Variants in ZNF397 observed in about 807,000 individuals in gnomAD.
The protein encoded by ZNF397 is zinc finger protein 397.
In ZNF397, 38 loss-of-function variants were observed where a neutral mutation model predicts 50.6. The observed-to-expected ratio is 0.75, with a 90% CI of 0.58 to 0.98. ZNF397 has a LOEUF of 0.98. Ranked by LOEUF, ZNF397 falls within the 50% of genes least tolerant of loss-of-function variation. ZNF397 has a pLI of 0.00. For missense variants in ZNF397, 624 were observed against 624.1 expected, an observed-to-expected ratio of 1.00 and a Z score of 0.00; for synonymous variants, 228 against 215.2, an observed-to-expected ratio of 1.06 and a Z score of -0.52.
At position 35,249,666 on chromosome 18, in the gene ZNF397, A is replaced by C. The variant is rs2043542000; in HGVS notation, c.*3356A>C. The C allele has an allele frequency of 1.3e-5, 2 of 149,500 alleles. No individual in the cohort carries two copies. Among genetic ancestry groups the C allele is most frequent in the African/African-American group, 2.4e-5 (1 of 40,836 alleles). The allele number at this position is 149,500 out of a possible 1,614,324, so 9.3% of individuals were successfully genotyped here. On this transcript the variant is annotated 3_prime_UTR_variant, in exon 4 of 4. Transcript: ENST00000330501. Reference sequence around the variant, plus strand: ...AGACTGTGTCTCAAAAAAAAAAAAAAAAAAAAAAAAAACACTGATGTCAAT... The same window carrying C: ...AGACTGTGTCTCAAAAAAAAAAAAACAAAAAAAAAAAACACTGATGTCAAT...
In ZNF397 at chr18:35,246,042, T is replaced by C; in HGVS notation, c.1337T>C (p.Ile446Thr). Residue 446 changes from isoleucine to threonine, a missense_variant, in exon 4 of 4, where the codon ATA becomes ACA. Coordinates refer to ENST00000330501, the MANE Select transcript of ZNF397 (RefSeq NM_001135178.3). ...QSSELITHQR[I>T]HSGEKPYECS... ...TCAGAGCTGATTACTCATCAGAGAA[T>C]ACATAGTGGAGAGAAACCCTATGAA... 2 of 1,565,180 alleles carry C rather than the reference T, an allele frequency of 1.3e-6. No individual in the cohort carries two copies. Among genetic ancestry groups the C allele is most frequent in the African/African-American group, 1.4e-5 (1 of 73,468 alleles).
rs1388906397 is a variant in ZNF397, at chr18:35,249,668, A to C, written c.*3358A>C. 1.4e-4 allele frequency: 21 copies of C among 149,638 alleles called. No homozygotes were observed. The East Asian group carries it at 3.1e-3, about 22-fold the overall frequency. 9.3% of individuals were successfully genotyped at this position (149,638 alleles called of 1,614,324 possible). Reference sequence around the variant, plus strand: ...ACTGTGTCTCAAAAAAAAAAAAAAAAAAAAAAAAAACACTGATGTCAATTA... The same window carrying C: ...ACTGTGTCTCAAAAAAAAAAAAAAACAAAAAAAAAACACTGATGTCAATTA... On this transcript the variant is annotated 3_prime_UTR_variant, in exon 4 of 4. Coordinates refer to ENST00000330501, the MANE Select transcript of ZNF397 (RefSeq NM_001135178.3).
chr18:35,251,594 T>A (rs974729148), downstream of ZNF397: 3 of 152,210 alleles, frequency 2.0e-5, no homozygotes, highest in East Asian at 5.8e-4. Flanking sequence ...GGGAGGTGAT[T>A]AGATCATGGG....
rs138222337 is a variant in ZNF397 at position 35,243,405 on chromosome 18, T to C, written c.556+112T>C. 1.0e-2 allele frequency: 15,166 copies of C among 1,523,412 alleles called. 83 individuals are homozygous for C. Among genetic ancestry groups the C allele is most frequent in the Middle Eastern group, 0.025 (146 of 5,914 alleles). 94.4% of individuals were successfully genotyped at this position (1,523,412 alleles called of 1,614,324 possible). The stretch of plus-strand genomic sequence containing the variant: ...CCACATGTGAGCATCACCTTTATTA[T>C]TCTAAACCAGAGGTGCTCGCTTTAG... On this transcript the variant is annotated intron_variant, in intron 3 of 3. Coordinates refer to ENST00000330501, the MANE Select transcript of ZNF397 (RefSeq NM_001135178.3).
chr18:35,253,755 A>C (rs200117955), downstream of ZNF397: 1 of 1,614,162 alleles, frequency 6.2e-7, no homozygotes, highest in African/African-American at 1.3e-5. Flanking sequence ...CTCCGGCTGA[A>C]GGCCTTCCCA....
In ZNF397 at chr18:35,245,941, C is replaced by A; in HGVS notation, c.1236C>A (p.Leu412=). Residue 412 remains leucine, a synonymous_variant, in exon 4 of 4, where the codon CTC becomes CTA. Coordinates refer to ENST00000330501, the MANE Select transcript of ZNF397 (RefSeq NM_001135178.3). The part of the protein sequence containing the change: ...CGKTFSQSSK[L]IRHQRIHTGE... ...AAACCTTTAGCCAGAGCTCAAAACT[C>A]ATTAGACATCAGCGAATTCACACAG... 6.3e-7 allele frequency: 1 copy of A among 1,579,174 alleles called. No individual in the cohort carries two copies. The highest frequency in any genetic ancestry group is 2.3e-5 in the East Asian group (1 of 42,918).
At position 35,248,432 on chromosome 18, in the gene ZNF397, T is replaced by C. The variant is rs1432243034; in HGVS notation, c.*2122T>C. The stretch of plus-strand genomic sequence containing the variant: ...GGTAAGAGCTACTCAACTCTTGTTT[T>C]TCTCCTTTTCCATAGATAAAGACCT... On this transcript the variant is annotated 3_prime_UTR_variant, in exon 4 of 4. Transcript: ENST00000330501. 6.6e-6 allele frequency: 1 copy of C among 152,196 alleles called. No individual in the cohort carries two copies. Among genetic ancestry groups the C allele is most frequent in the Non-Finnish European group, 1.5e-5 (1 of 68,034 alleles). 9.4% of individuals were successfully genotyped at this position (152,196 alleles called of 1,614,324 possible). A position where few individuals can be genotyped will look rare whatever the true frequency, so the allele number is the denominator to read the frequency against.
intron 2 of ZNF397, 116 bp from the exon 3 acceptor site, chr18:35,243,036 C>T: frequency 6.6e-7 from 1 of 1,525,068 alleles, no homozygotes; most frequent in Non-Finnish European, 8.9e-7. Flanking sequence ...CTTGAATGGT[C>T]TTTTTCCCCT....
chr18:35,250,876 A>C (rs1445984795), downstream of ZNF397, among the ~76,000 whole-genome samples: 1 of 152,128 alleles, frequency 6.6e-6, no homozygotes, highest in Non-Finnish European at 1.5e-5. Context: ...ATGCCCCCTC[A>C]CTTTGGTTAA....
chr18:35,253,411 T>C, downstream of ZNF397: 1 of 1,510,398 alleles, frequency 6.6e-7, no homozygotes, highest in Non-Finnish European at 8.9e-7. Flanking sequence ...TACAGTGAAC[T>C]CCTTGCATTT....
intron 5 of ZNF397, among the ~76,000 whole-genome samples, chr18:35,256,775 GTTGT>G (rs200306741): frequency 0.034 from 5,125 of 151,872 alleles, 181 homozygotes; most frequent in African/African-American, 0.094. Flanking sequence ...TGTTGTTGTT[GTTGT>G]TTGTTTGTTT....
In ZNF397 at chr18:35,247,135, C is replaced by G. The variant is rs1390810304; in HGVS notation, c.*825C>G. ...CAAAGTGTGGAGCATTCCTTGAGTT[C>G]CTGTTGTAGTGAGGTCTTGTCTGTC... On this transcript the variant is annotated 3_prime_UTR_variant, in exon 4 of 4. Transcript: ENST00000330501. 3.0e-6 allele frequency: 3 copies of G among 985,312 alleles called. No individual in the cohort carries two copies. The highest frequency in any genetic ancestry group is 3.6e-6 in the Non-Finnish European group (3 of 829,974). 61.0% of individuals were successfully genotyped at this position (985,312 alleles called of 1,614,324 possible). A position where few individuals can be genotyped will look rare whatever the true frequency, so the allele number is the denominator to read the frequency against.
intron 1 of ZNF397, among the ~76,000 whole-genome samples, chr18:35,242,041 C>T (rs1324177874): frequency 6.6e-6 from 1 of 152,148 alleles, no homozygotes; most frequent in Non-Finnish European, 1.5e-5. Context: ...GAGAGTTCTA[C>T]AAGTTTTATT....
chr18:35,259,056 C>T (rs2043945743), downstream of ZNF397: 1 of 153,544 alleles, frequency 6.5e-6, no homozygotes, highest in South Asian at 2.1e-4. Flanking sequence ...ACTAGGGTTT[C>T]CACAACAAAA....
chr18:35,243,553 G>A (rs977495271), intron 3 of ZNF397: 6 of 619,536 alleles, frequency 9.7e-6, no homozygotes, highest in African/African-American at 1.8e-5. Context: ...TGGTACTGTG[G>A]TAGGCCCCAG....
chr18:35,258,188 A>C, exon 6 of ZNF397: 2 of 567,360 alleles, frequency 3.5e-6, no homozygotes, highest in Non-Finnish European at 6.3e-6. Flanking sequence ...TTCAAGACTG[A>C]AAAGAGACTA....
intron 5 of ZNF397, chr18:35,255,815 T>A (rs899439206): frequency 6.5e-6 from 1 of 154,368 alleles, no homozygotes; most frequent in Admixed American, 6.5e-5. Flanking sequence ...GGATTTTAGA[T>A]AGAAATTTAA....
chr18:35,247,173 G>T lies in ZNF397; in HGVS notation c.*863G>T. 1.0e-6 allele frequency: 1 copy of T among 985,452 alleles called. No individual in the cohort carries two copies. Among genetic ancestry groups the T allele is most frequent in the Non-Finnish European group, 1.2e-6 (1 of 829,944 alleles). The allele number at this position is 985,452 out of a possible 1,614,324, so 61.0% of individuals were successfully genotyped here. On this transcript the variant is annotated 3_prime_UTR_variant, in exon 4 of 4. Transcript: ENST00000330501. The stretch of plus-strand genomic sequence containing the variant: ...GGTCTTGTCTGTCAGAGAAGTCTGG[G>T]TCTGGCCAGACTCTTAAGCAGTGCC...
rs564843761 is a variant in ZNF397, at chr18:35,258,081, CAT to C, written c.*146_*147del. The stretch of plus-strand genomic sequence containing the variant: ...AAAATGGCATGGTGACTCTTACAAT[CAT>C]ATCACAGTGGGCCTCTCCAACAATT... On this transcript the variant is annotated 3_prime_UTR_variant, in exon 6 of 6. Transcript: ENST00000261333. The C allele has an allele frequency of 9.7e-4, 725 of 749,732 alleles. 2 individuals are homozygous for C. Among genetic ancestry groups the C allele is most frequent in the Admixed American group, 1.6e-3 (94 of 57,140 alleles). 46.4% of individuals were successfully genotyped at this position (749,732 alleles called of 1,614,324 possible). A position where few individuals can be genotyped will look rare whatever the true frequency, so the allele number is the denominator to read the frequency against.
Sources: allele counts gnomAD v4.1 joint callset (sites outside exome capture counted in the v4.1 genomes callset), GRCh38; gene constraint gnomAD v4.1.1; transcripts MANE v1.5; gene names NCBI Gene and HGNC (gene_info 2026-07-23, HGNC 2026-07-21).